The following SLC30A8 variants were observed in gnomAD, a reference collection of about 807,000 sequenced individuals.
SLC30A8 encodes proton-coupled zinc antiporter SLC30A8.
Under a neutral mutation model 36.9 loss-of-function variants are expected in SLC30A8, and 27 were observed. That is an observed-to-expected ratio of 0.73 (90% CI 0.54 to 1.01). The LOEUF is 1.01. Ranked by LOEUF, SLC30A8 falls within the 50% of genes least tolerant of loss-of-function variation. SLC30A8 has a pLI of 0.00. For synonymous variants in SLC30A8, 164 were observed against 172.4 expected (o/e 0.95, Z 0.38); for missense variants, 439 against 452.0 (o/e 0.97, Z 0.26).
chr8:117,071,316 T>C (rs1311396798), intron 2 of SLC30A8, among the ~76,000 whole-genome samples: 2 of 152,204 alleles, frequency 1.3e-5, no homozygotes, highest in Non-Finnish European at 2.9e-5. Context: ...CTGAGCTTTT[T>C]TTTCATGTGC....
intron 2 of SLC30A8, among the ~76,000 whole-genome samples, chr8:117,073,583 T>C (rs1433586654): frequency 6.6e-6 from 1 of 152,200 alleles, no homozygotes; most frequent in African/African-American, 2.4e-5. Flanking sequence ...ACTCTACAAA[T>C]AGTTCTTGCT....
chr8:117,000,503 A>G (rs1311572248), intron 1 of SLC30A8, among the ~76,000 whole-genome samples: 15 of 152,208 alleles, frequency 9.9e-5, no homozygotes, highest in Admixed American at 9.8e-4. Context: ...AAGGCCAAGT[A>G]TTTTATCTAA....
chr8:117,032,148 C>T (rs775816786), intron 1 of SLC30A8, among the ~76,000 whole-genome samples: 1 of 151,710 alleles, frequency 6.6e-6, no homozygotes, highest in Non-Finnish European at 1.5e-5. Flanking sequence ...AATCTCTTTT[C>T]CTGCCATGCT....
At chr8:116,994,332 C>T (rs3020119) in intron 1 of SLC30A8, among the ~76,000 whole-genome samples, 50,773 of 151,896 alleles carry the variant, frequency 0.33, 10,524 homozygotes, top group South Asian at 0.48. Context: ...AGATTACATC[C>T]GTGCACAGAA....
intron 2 of SLC30A8, among the ~76,000 whole-genome samples, chr8:117,104,068 A>G (rs1351802495): frequency 2.6e-5 from 4 of 152,162 alleles, no homozygotes; most frequent in African/African-American, 9.7e-5. Context: ...CTTTGCTGAC[A>G]TGGCTGATTG....
chr8:117,048,335 C>T (rs1817614331), intron 2 of SLC30A8, among the ~76,000 whole-genome samples: 1 of 152,192 alleles, frequency 6.6e-6, no homozygotes. Context: ...GACCCAATGA[C>T]TGTTGGAACA....
intron 1 of SLC30A8, among the ~76,000 whole-genome samples, chr8:116,963,588 A>T (rs935145629): frequency 6.6e-6 from 1 of 152,208 alleles, no homozygotes; most frequent in Admixed American, 6.5e-5. Flanking sequence ...GCATTAGTGC[A>T]TCCTTTCTTT....
intron 1 of SLC30A8, among the ~76,000 whole-genome samples, chr8:116,999,211 A>C (rs767820876): frequency 1.3e-5 from 2 of 152,216 alleles, no homozygotes; most frequent in Non-Finnish European, 2.9e-5. Flanking sequence ...GTGAGCCGAG[A>C]TCATGCCATT....
In SLC30A8 at chr8:117,161,623, T is replaced by G; in HGVS notation, c.573-115T>G. The stretch of plus-strand genomic sequence containing the variant: ...AAGATAGTTCTTTTTAAAGCATAAA[T>G]ATTTCAACTATCCATCATTTTGGAT... On this transcript the variant is annotated intron_variant, in intron 4 of 7. Coordinates refer to ENST00000456015, the MANE Select transcript of SLC30A8 (RefSeq NM_173851.3). 4.2e-6 allele frequency: 4 copies of G among 963,358 alleles called. No homozygotes were observed. In the South Asian group the frequency reaches 5.4e-5, roughly 13 times the overall value. The allele number at this position is 963,358 out of a possible 1,614,324, so 59.7% of individuals were successfully genotyped here.
chr8:116,958,147 C>G (rs991638376), intron 1 of SLC30A8, among the ~76,000 whole-genome samples: 4 of 152,202 alleles, frequency 2.6e-5, no homozygotes, highest in African/African-American at 9.6e-5. Context: ...TTAAGTCATG[C>G]CACGTCAGGG....
At chr8:116,973,142 G>A (rs904690753) in intron 1 of SLC30A8, among the ~76,000 whole-genome samples, 1 of 152,174 alleles carries the variant, frequency 6.6e-6, no homozygotes, top group African/African-American at 2.4e-5. Context: ...CAGGAAATAA[G>A]CCCTCACCAG....
intron 2 of SLC30A8, among the ~76,000 whole-genome samples, chr8:117,119,552 C>G (rs1162050118): frequency 6.6e-6 from 1 of 151,888 alleles, no homozygotes; most frequent in Non-Finnish European, 1.5e-5. Flanking sequence ...AGTCACTCTT[C>G]TTTTGTGCCA....
chr8:116,962,050 A>G (rs960332709), intron 1 of SLC30A8, among the ~76,000 whole-genome samples: 1 of 152,012 alleles, frequency 6.6e-6, no homozygotes, highest in Non-Finnish European at 1.5e-5. Flanking sequence ...CTTGCAAACA[A>G]TAAGTTGAAT....
chr8:117,142,664 A>C (rs1821707025), intron 1 of SLC30A8, among the ~76,000 whole-genome samples: 1 of 152,080 alleles, frequency 6.6e-6, no homozygotes, highest in Admixed American at 6.6e-5. Context: ...GCCTTCACTC[A>C]CATAGGTTTT....
intron 2 of SLC30A8, among the ~76,000 whole-genome samples, chr8:117,085,759 A>G (rs1818853571): frequency 6.6e-6 from 1 of 152,188 alleles, no homozygotes. Context: ...GGAGAATTTA[A>G]TTATCTTTCC....
chr8:117,044,323 T>C (rs2130761698), intron 2 of SLC30A8, among the ~76,000 whole-genome samples: 1 of 152,290 alleles, frequency 6.6e-6, no homozygotes, highest in East Asian at 1.9e-4. Flanking sequence ...AATGACTGAG[T>C]ACACATTGGA....
rs566316945 is a variant in SLC30A8, at chr8:117,117,641, G to T, written c.-225-17639G>T. 1.1e-4 allele frequency among the ~76,000 whole-genome samples: 16 copies of T among 152,124 alleles called. No individual in the cohort carries two copies. The South Asian group carries it at 3.3e-3, about 31-fold the overall frequency. On this transcript the variant is annotated intron_variant, in intron 2 of 10. Coordinates refer to the SLC30A8 transcript ENST00000427715. ...AATGTTTTACACTGCTTTATGTACA[G>T]ATGTCAGGAAAGATGGCTCTAAATG...
intron 1 of SLC30A8, among the ~76,000 whole-genome samples, chr8:117,011,495 A>G (rs906569978): frequency 6.6e-5 from 10 of 152,212 alleles, no homozygotes; most frequent in Admixed American, 5.2e-4. Context: ...ACCCTGTTCT[A>G]TACCAACTCC....
chr8:117,044,379 A>T (rs557245194), intron 2 of SLC30A8, among the ~76,000 whole-genome samples: 2 of 152,292 alleles, frequency 1.3e-5, no homozygotes, highest in East Asian at 1.9e-4. Flanking sequence ...CAAAAGGGTG[A>T]TGGAGAATCC....
Sources: gnomAD v4.1 joint callset for allele counts (sites outside exome capture counted in the v4.1 genomes callset) on GRCh38, gnomAD v4.1.1 for gene constraint, MANE v1.5 for transcripts, NCBI Gene and HGNC (gene_info 2026-07-23, HGNC 2026-07-21) for gene names.